The following PGLYRP4 variants were observed in gnomAD, a reference collection of about 807,000 sequenced individuals.
PGLYRP4 encodes PGRP-I-beta.
In PGLYRP4, 39 loss-of-function variants were observed where a neutral mutation model predicts 41.2. The observed-to-expected ratio is 0.95, with a 90% CI of 0.73 to 1.24. The LOEUF (loss-of-function observed/expected upper bound fraction) is 1.24, where lower values mean the gene tolerates loss of function less well. PGLYRP4 is among the 50% of genes most tolerant of loss of function. PGLYRP4 has a pLI of 0.00. For synonymous variants in PGLYRP4, 202 were observed against 186.8 expected, an observed-to-expected ratio of 1.08 and a Z score of -0.66; for missense variants, 467 against 460.7, an observed-to-expected ratio of 1.01 and a Z score of -0.13.
intron 7 of PGLYRP4, among the ~76,000 whole-genome samples, chr1:153,338,630 A>G (rs956897391): frequency 2.0e-5 from 3 of 152,122 alleles, no homozygotes; most frequent in African/African-American, 7.2e-5. Flanking sequence ...ATTTATCCCA[A>G]TGAACTTCTC....
chr1:153,337,067 A>C (rs1022327225), intron 8 of PGLYRP4, 114 bp downstream of exon 8: 1 of 840,458 alleles, frequency 1.2e-6, no homozygotes. Flanking sequence ...AGCTGGGTCA[A>C]TCAAGCATAT....
Position 153,341,721 on chromosome 1 carries a change from G to T in PGLYRP4, c.531C>A (p.Val177=). The T allele has an allele frequency of 6.2e-7, 1 of 1,614,068 alleles. No homozygotes were observed. Among genetic ancestry groups the T allele is most frequent in the Non-Finnish European group, 8.5e-7 (1 of 1,180,006 alleles). The change falls in exon 6 of 9, where the codon GTC becomes GTA. Residue 177 remains valine, a synonymous_variant. Coordinates refer to ENST00000359650, the MANE Select transcript of PGLYRP4 (RefSeq NM_020393.4). Reference sequence around the variant, plus strand: ...AACTGGATGACAGGTGGCCCTTCTGGACAGCATAGGTGATTAGGTTTTCCA... The same window carrying T: ...AACTGGATGACAGGTGGCCCTTCTGTACAGCATAGGTGATTAGGTTTTCCA... ...SAMENLITYA[V]QKGHLSSSYV...
At chr1:153,340,106 A>C (rs1349427170) in intron 7 of PGLYRP4, among the ~76,000 whole-genome samples, 1 of 152,218 alleles carries the variant, frequency 6.6e-6, no homozygotes, top group Non-Finnish European at 1.5e-5. Flanking sequence ...TGCTTCCTCC[A>C]GTGACTTTTT....
rs201388796 is a variant in PGLYRP4 at position 153,347,898 on chromosome 1, C to T, written c.35G>A (p.Gly12Asp). ...AGAAAACTTACCCCAGGCCTGGATA[C>T]CCAGAGCAGAGAAGACAAGAAGCCA... ...LPWLLVFSALGIQAWGDSSWN... is the reference protein window; with the variant it reads ...LPWLLVFSALDIQAWGDSSWN... The change falls in exon 2 of 9, where the codon GGT (glycine) becomes GAT (aspartate). Residue 12 changes from glycine (G) to aspartate (D), a missense_variant. By Grantham distance (94) the Gly-to-Asp change is moderately conservative. Transcript: ENST00000359650. 2 of 1,613,364 alleles carry T rather than the reference C, an allele frequency of 1.2e-6. No individual in the cohort carries two copies. The highest frequency in any genetic ancestry group is 2.7e-5 in the African/African-American group (2 of 75,006).
intron 7 of PGLYRP4, among the ~76,000 whole-genome samples, chr1:153,337,788 T>G (rs781174654): frequency 1.3e-5 from 2 of 152,150 alleles, no homozygotes; most frequent in African/African-American, 2.4e-5. Flanking sequence ...ACCCAGGATC[T>G]CCTTACCATT....
At chr1:153,338,072 C>G (rs1660640341) in intron 7 of PGLYRP4, among the ~76,000 whole-genome samples, 1 of 152,166 alleles carries the variant, frequency 6.6e-6, no homozygotes, top group South Asian at 2.1e-4. Context: ...AGTTGCTATC[C>G]ATGAAAGTCC....
At chr1:153,332,325 A>G (rs187633727) in intron 8 of PGLYRP4, among the ~76,000 whole-genome samples, 11 of 152,318 alleles carry the variant, frequency 7.2e-5, no homozygotes, top group Admixed American at 7.2e-4. Flanking sequence ...TTAATTCAAG[A>G]TGGATTAAAA....
rs1484078374 is a variant in PGLYRP4, at chr1:153,345,147, G to A, written c.353+22C>T. ...GGAAGCAACACTGACCATGTGCCGT[G>A]GGACCCAGACCCAGCTCTTACTTGT... is the stretch of plus-strand genomic sequence containing the variant. On this transcript the variant is annotated intron_variant, in intron 4 of 8. Transcript: ENST00000359650. 3.8e-6 allele frequency: 6 copies of A among 1,581,446 alleles called. No individual in the cohort carries two copies. The African/African-American group carries it at 8.1e-5, about 21-fold the overall frequency.
At chr1:153,341,003 C>T (rs375728423) in intron 6 of PGLYRP4, among the ~76,000 whole-genome samples, 18 of 152,124 alleles carry the variant, frequency 1.2e-4, no homozygotes, top group East Asian at 9.6e-4. Flanking sequence ...ATGGTATCCA[C>T]CTTTTATTAT....
chr1:153,348,396 A>C (rs536725048), intron 1 of PGLYRP4, 132 bp downstream of exon 1: 1 of 160,304 alleles, frequency 6.2e-6, no homozygotes, highest in African/African-American at 2.4e-5. Context: ...ATGCCAGATG[A>C]GGGAGATATA....
intron 8 of PGLYRP4, 93 bp from the exon 9 acceptor site, chr1:153,331,038 T>C: frequency 2.0e-6 from 2 of 1,024,382 alleles, no homozygotes; most frequent in Non-Finnish European, 2.8e-6. Flanking sequence ...ACCAAGCTAA[T>C]AGATTCCACT....
chr1:153,337,112 T>C (rs1660598596), intron 8 of PGLYRP4, 69 bp downstream of exon 8: 2 of 1,129,462 alleles, frequency 1.8e-6, no homozygotes, highest in Non-Finnish European at 1.4e-6. Flanking sequence ...ACTGAGACTT[T>C]GTCTTCCATG....
intron 3 of PGLYRP4, 77 bp downstream of exon 3, chr1:153,346,025 G>T: frequency 1.9e-6 from 2 of 1,077,676 alleles, no homozygotes; most frequent in South Asian, 1.3e-5. Flanking sequence ...TGGCTTTGCA[G>T]ACCTCAGAAA....
chr1:153,335,717 C>T (rs1393272650), intron 8 of PGLYRP4, among the ~76,000 whole-genome samples: 1 of 63,256 alleles, frequency 1.6e-5, no homozygotes, highest in African/African-American at 6.3e-5. Flanking sequence ...GAGCAAGACT[C>T]TGTCTAAATA....
At position 153,341,655 on chromosome 1, in the gene PGLYRP4, G is replaced by A; in HGVS notation, c.597C>T (p.Ala199=). The A allele has an allele frequency of 1.9e-6, 3 of 1,613,358 alleles. No individual in the cohort carries two copies. The highest frequency in any genetic ancestry group is 2.5e-6 in the Non-Finnish European group (3 of 1,179,962). ...PLLGKGENCL[A]PRQKTSLKKA... ...TCTTCAGGCTTGTCTTCTGCCGAGG[G>A]GCCAGGCAGTTCTCGCCTTTCCCAA... Residue 199 remains alanine (A), a synonymous_variant, in exon 6 of 9, where the codon GCC becomes GCT. Transcript: ENST00000359650.
In PGLYRP4 at chr1:153,337,278, G is replaced by A. The variant is rs184556258; in HGVS notation, c.846C>T (p.Gly282=). Residue 282 remains glycine (G), a synonymous_variant, in exon 8 of 9, where the codon GGC becomes GGT. Transcript: ENST00000359650. ...IGYNFLVGQD[G]AIYEGVGWNV... ...TCCAGCCCACCCCTTCATAAATGGC[G>A]CCATCCTGGCCCACCAGGAAGCTAG... The A allele has an allele frequency of 1.1e-4, 181 of 1,608,736 alleles. No homozygotes were observed. Among genetic ancestry groups the A allele is most frequent in the African/African-American group, 2.8e-4 (21 of 74,754 alleles).
chr1:153,345,858 C>A (rs932582667), intron 3 of PGLYRP4, among the ~76,000 whole-genome samples: 4 of 152,210 alleles, frequency 2.6e-5, no homozygotes, highest in African/African-American at 9.6e-5. Flanking sequence ...TCTCCCTCCA[C>A]AGGGAGTCCC....
At chr1:153,340,283 GACTACCCAGT>G in intron 7 of PGLYRP4, 88 bp downstream of exon 7, 1 of 1,064,132 alleles carries the variant, frequency 9.4e-7, no homozygotes, top group South Asian at 1.4e-5. Flanking sequence ...CTCCTATGGT[GACTACCCAGT>G]AAATATTAGT....
At chr1:153,348,195 C>A (rs549514361) in intron 1 of PGLYRP4, among the ~76,000 whole-genome samples, 3 of 152,284 alleles carry the variant, frequency 2.0e-5, no homozygotes, top group African/African-American at 4.8e-5. Context: ...CACGTGCCCA[C>A]GGCGTGCAAG....
Sources: gnomAD v4.1 joint callset for allele counts (sites outside exome capture counted in the v4.1 genomes callset) on GRCh38, gnomAD v4.1.1 for gene constraint, MANE v1.5 for transcripts, NCBI Gene and HGNC (gene_info 2026-07-23, HGNC 2026-07-21) for gene names.